RELN: variants seen among roughly 807,000 people sequenced by gnomAD.
RELN encodes the protein reelin.
RELN carries 108 observed loss-of-function variants against 427.6 expected under a neutral mutation model. The observed-to-expected ratio is 0.25, with a 90% CI of 0.22 to 0.30. RELN has a LOEUF of 0.30. Ranked by LOEUF, RELN falls within the 10% of genes least tolerant of loss-of-function variation. The pLI is 1.00. For missense variants in RELN, 3,715 were observed against 4,302.8 expected, an observed-to-expected ratio of 0.86 and a Z score of 3.82; for synonymous variants, 1,524 against 1,513.4, an observed-to-expected ratio of 1.01 and a Z score of -0.16.
intron 1 of RELN, among the ~76,000 whole-genome samples, chr7:103,923,309 A>G (rs990346066): frequency 7.2e-5 from 11 of 152,204 alleles, no homozygotes; most frequent in Non-Finnish European, 1.3e-4. Context: ...ATAAAAAAAT[A>G]CATTATAATT....
At chr7:103,773,119 T>C (rs915013042) in intron 4 of RELN, among the ~76,000 whole-genome samples, 3 of 78,932 alleles carry the variant, frequency 3.8e-5, no homozygotes, top group African/African-American at 1.2e-4. Flanking sequence ...TTTCTTTCTT[T>C]CTTTCTTTCT....
Position 103,611,807 on chromosome 7 carries a change from A to G in RELN, c.2703-4T>C. On this transcript the variant is annotated splice_polypyrimidine_tract_variant and splice_region_variant and intron_variant, in intron 20 of 64. Transcript: ENST00000428762. ...AAGTTTAGAATCTCCTGTAAAACTG[A>G]AAGAGACAGAGATGGAAATCAGAAA... 1 of 1,611,934 alleles carries G rather than the reference A, an allele frequency of 6.2e-7. No homozygotes were observed. The highest frequency in any genetic ancestry group is 8.5e-7 in the Non-Finnish European group (1 of 1,178,130).
chr7:103,483,509 TG>T, intron 62 of RELN, 143 bp downstream of exon 62: 1 of 845,160 alleles, frequency 1.2e-6, no homozygotes. Context: ...TTTGGAGATC[TG>T]GGTTAGTCTT....
At chr7:103,849,851 G>A (rs899870109) in intron 2 of RELN, among the ~76,000 whole-genome samples, 8 of 152,210 alleles carry the variant, frequency 5.3e-5, no homozygotes, top group Middle Eastern at 3.4e-3. Flanking sequence ...GGCCATTTAC[G>A]GAAAAAGTTT....
At chr7:103,565,153 T>A in intron 34 of RELN, 125 bp downstream of exon 34, 1 of 1,278,970 alleles carries the variant, frequency 7.8e-7, no homozygotes, top group Non-Finnish European at 1.1e-6. Flanking sequence ...TTTTTTTTCT[T>A]CCTGGCACTT....
At chr7:103,731,630 C>A (rs1048805608) in intron 6 of RELN, among the ~76,000 whole-genome samples, 1 of 152,010 alleles carries the variant, frequency 6.6e-6, no homozygotes, top group Non-Finnish European at 1.5e-5. Flanking sequence ...TGTGGCAAAT[C>A]CAACTTTTAG....
chr7:103,665,961 TTC>T (rs1562947473), intron 11 of RELN, among the ~76,000 whole-genome samples: 1 of 152,116 alleles, frequency 6.6e-6, no homozygotes, highest in Non-Finnish European at 1.5e-5. Context: ...AGTATACTAA[TTC>T]TCTCTTCAGT....
intron 51 of RELN, 86 bp downstream of exon 51, chr7:103,510,765 G>T: frequency 1.8e-6 from 2 of 1,121,260 alleles, no homozygotes; most frequent in South Asian, 2.6e-5. Context: ...CTAAGTCAAT[G>T]AAATATTAGA....
chr7:103,508,187 G>A (rs1298786286), intron 51 of RELN, among the ~76,000 whole-genome samples: 1 of 152,128 alleles, frequency 6.6e-6, no homozygotes, highest in African/African-American at 2.4e-5. Flanking sequence ...CATTTTATGA[G>A]GCCAGCATCA....
rs376550183 is a variant in RELN, at chr7:103,489,902, G to C, written c.9606-3C>G. ...GGATCCAGCGGAACTGTGTTGCACTGAAAGAACCACAGAGAGCAGAAGGGA... is the reference window on the plus strand; with the variant it reads ...GGATCCAGCGGAACTGTGTTGCACTCAAAGAACCACAGAGAGCAGAAGGGA... On this transcript the variant is annotated splice_region_variant and splice_polypyrimidine_tract_variant and intron_variant, in intron 59 of 64. Coordinates refer to ENST00000428762, the MANE Select transcript of RELN (RefSeq NM_005045.4). The C allele has an allele frequency of 6.2e-7, 1 of 1,613,996 alleles. No individual in the cohort carries two copies. The highest frequency in any genetic ancestry group is 8.5e-7 in the Non-Finnish European group (1 of 1,180,018).
intron 2 of RELN, among the ~76,000 whole-genome samples, chr7:103,903,311 G>A (rs1795123254): frequency 6.6e-6 from 1 of 151,236 alleles, no homozygotes. Flanking sequence ...TTAAGAAAGA[G>A]AGAGAAAAGT....
intron 38 of RELN, among the ~76,000 whole-genome samples, chr7:103,556,382 T>A (rs928450817): frequency 1.3e-5 from 2 of 151,836 alleles, no homozygotes; most frequent in Non-Finnish European, 2.9e-5. Flanking sequence ...TATATTTACA[T>A]TAACAGGAGA....
chr7:103,579,348 C>T (rs2117216611), intron 28 of RELN, among the ~76,000 whole-genome samples: 1 of 152,270 alleles, frequency 6.6e-6, no homozygotes, highest in South Asian at 2.1e-4. Flanking sequence ...CCTGTAATCC[C>T]AGTGCTTTGG....
chr7:103,973,665 A>T (rs1365775879), intron 1 of RELN, among the ~76,000 whole-genome samples: 1 of 152,194 alleles, frequency 6.6e-6, no homozygotes, highest in Non-Finnish European at 1.5e-5. Flanking sequence ...TAGATTTTTA[A>T]GTTATGCTAC....
intron 20 of RELN, among the ~76,000 whole-genome samples, chr7:103,619,876 T>TTGTG (rs372160818): frequency 1.3e-5 from 2 of 150,662 alleles, no homozygotes; most frequent in African/African-American, 4.9e-5. Flanking sequence ...ATATGTGTGT[T>TTGTG]TGTGTGTGTG....
chr7:103,813,346 C>T (rs1792790652), intron 3 of RELN, among the ~76,000 whole-genome samples: 1 of 143,342 alleles, frequency 7.0e-6, no homozygotes, highest in Non-Finnish European at 1.5e-5. Context: ...GTTCCTAACA[C>T]CCAGGAGTAT....
At chr7:103,602,004 T>C (rs140313920) in intron 24 of RELN, among the ~76,000 whole-genome samples, 1 of 152,184 alleles carries the variant, frequency 6.6e-6, no homozygotes, top group Non-Finnish European at 1.5e-5. Context: ...GGACCTGCGA[T>C]GTCTGCCCAC....
chr7:103,751,840 C>T (rs1261947541), intron 5 of RELN, among the ~76,000 whole-genome samples: 1 of 152,144 alleles, frequency 6.6e-6, no homozygotes, highest in Non-Finnish European at 1.5e-5. Flanking sequence ...AAGGAAAAGC[C>T]CAAGAGACAA....
intron 4 of RELN, among the ~76,000 whole-genome samples, chr7:103,765,487 C>A (rs955786741): frequency 3.3e-5 from 5 of 152,168 alleles, no homozygotes; most frequent in African/African-American, 1.2e-4. Context: ...CAATGAATTA[C>A]AACTCTTAAA....
Sources: gnomAD v4.1 joint callset for allele counts (sites outside exome capture counted in the v4.1 genomes callset) on GRCh38, gnomAD v4.1.1 for gene constraint, MANE v1.5 for transcripts, NCBI Gene and HGNC (gene_info 2026-07-23, HGNC 2026-07-21) for gene names.